Variants in HS3ST4 observed in about 807,000 individuals in gnomAD.
HS3ST4 encodes the protein heparan sulfate glucosamine 3-O-sulfotransferase 4.
Under a neutral mutation model 29.2 loss-of-function variants are expected in HS3ST4, and 17 were observed. The ratio of observed to expected loss-of-function variants is 0.58; its 90% CI spans 0.40 to 0.87. HS3ST4 has a LOEUF of 0.87. Ranked by LOEUF, HS3ST4 falls within the 40% of genes least tolerant of loss-of-function variation. HS3ST4 has a pLI of 0.00. For synonymous variants in HS3ST4, 314 were observed against 285.7 expected (o/e 1.10, Z -1.00); for missense variants, 627 against 634.5 (o/e 0.99, Z 0.13).
At chr16:25,982,668 AT>A (rs1378679027) in intron 1 of HS3ST4, among the ~76,000 whole-genome samples, 1 of 151,728 alleles carries the variant, frequency 6.6e-6, no homozygotes, top group Non-Finnish European at 1.5e-5. Flanking sequence ...TCTCTACGAA[AT>A]TTTTTTTTAA....
intron 1 of HS3ST4, among the ~76,000 whole-genome samples, chr16:25,769,869 GACA>G (rs1193713515): frequency 6.6e-6 from 1 of 152,138 alleles, no homozygotes; most frequent in Non-Finnish European, 1.5e-5. Context: ...GCAATGGGGA[GACA>G]ACAAGAAGCA....
At chr16:25,873,498 C>T (rs1434173481) in intron 1 of HS3ST4, among the ~76,000 whole-genome samples, 6 of 149,612 alleles carry the variant, frequency 4.0e-5, no homozygotes, top group African/African-American at 1.5e-4. Context: ...ATCTATCTAT[C>T]TATCTATCTA....
At chr16:25,914,630 TGTGTGTGTGTGTGTGCAC>T (rs1968274617) in intron 1 of HS3ST4, among the ~76,000 whole-genome samples, 3 of 140,712 alleles carry the variant, frequency 2.1e-5, no homozygotes, top group Admixed American at 7.1e-5. Flanking sequence ...GTGTGTGTGG[TGTGTGTGTGTGTGTGCAC>T]GTGTGTGGGT....
chr16:26,001,439 T>G (rs1404916665), intron 1 of HS3ST4, among the ~76,000 whole-genome samples: 1 of 152,192 alleles, frequency 6.6e-6, no homozygotes, highest in Non-Finnish European at 1.5e-5. Flanking sequence ...TTTTGTATTA[T>G]GTTTATTCTT....
Position 25,813,457 on chromosome 16 carries a change from C to T in HS3ST4, c.734+120306C>T, listed in dbSNP as rs142349003. ...CACTAAAAATACAAAATTAGCCAGG[C>T]GTGGTGGTGCATGCCTGTAATCTCA... On this transcript the variant is annotated intron_variant, in intron 1 of 1. Coordinates refer to ENST00000331351, the MANE Select transcript of HS3ST4 (RefSeq NM_006040.3). Among the ~76,000 whole-genome samples the T allele has an allele frequency of 2.5e-4, 38 of 152,068 alleles. No homozygotes were observed. The East Asian group carries it at 6.0e-3, about 24-fold the overall frequency.
At chr16:25,956,460 G>T (rs1968733522) in intron 1 of HS3ST4, among the ~76,000 whole-genome samples, 1 of 152,180 alleles carries the variant, frequency 6.6e-6, no homozygotes, top group Non-Finnish European at 1.5e-5. Flanking sequence ...GTCCTAGGCA[G>T]ATCAGCTAGG....
At chr16:25,740,450 A>G (rs1966644452) in intron 1 of HS3ST4, among the ~76,000 whole-genome samples, 1 of 152,156 alleles carries the variant, frequency 6.6e-6, no homozygotes, top group Non-Finnish European at 1.5e-5. Context: ...GGATGCACTG[A>G]GCCCCAAAGA....
intron 1 of HS3ST4, among the ~76,000 whole-genome samples, chr16:25,708,293 A>G (rs1042195076): frequency 3.3e-4 from 50 of 152,220 alleles, no homozygotes; most frequent in Admixed American, 1.2e-3. Context: ...TTTTGTTCTT[A>G]TATCATAAAA....
intron 1 of HS3ST4, among the ~76,000 whole-genome samples, chr16:25,703,369 A>G (rs571528246): frequency 9.8e-5 from 15 of 152,292 alleles, no homozygotes; most frequent in African/African-American, 3.6e-4. Flanking sequence ...CACGTGTGCC[A>G]GGCTTGGCTC....
chr16:26,051,350 AAC>A (rs1180848943), intron 1 of HS3ST4, among the ~76,000 whole-genome samples: 1 of 152,156 alleles, frequency 6.6e-6, no homozygotes, highest in Non-Finnish European at 1.5e-5. Context: ...ACACACAGAT[AAC>A]ACAGCCTCCT....
intron 1 of HS3ST4, among the ~76,000 whole-genome samples, chr16:26,027,155 A>G (rs909890033): frequency 6.6e-6 from 1 of 152,184 alleles, no homozygotes; most frequent in Non-Finnish European, 1.5e-5. Flanking sequence ...ACTTGTCAAA[A>G]ACAAAAGTAA....
chr16:25,850,899 A>C (rs879700253), intron 1 of HS3ST4, among the ~76,000 whole-genome samples: 3 of 152,186 alleles, frequency 2.0e-5, no homozygotes, highest in Non-Finnish European at 4.4e-5. Flanking sequence ...TGGAAACATT[A>C]TTTTCATGCA....
intron 1 of HS3ST4, among the ~76,000 whole-genome samples, chr16:26,037,994 C>G (rs1026258991): frequency 8.5e-5 from 13 of 152,152 alleles, no homozygotes; most frequent in Admixed American, 8.5e-4. Flanking sequence ...TCCAATGACT[C>G]CCCCTGTCTC....
intron 1 of HS3ST4, among the ~76,000 whole-genome samples, chr16:25,841,757 A>G (rs117808164): frequency 0.016 from 2,459 of 152,274 alleles, 22 homozygotes; most frequent in Middle Eastern, 0.024. Flanking sequence ...AATATGGCAT[A>G]ATGGGAACTA....
chr16:25,695,654 G>A (rs1966290045), intron 1 of HS3ST4, among the ~76,000 whole-genome samples: 1 of 152,174 alleles, frequency 6.6e-6, no homozygotes, highest in Non-Finnish European at 1.5e-5. Context: ...TCCAGTATCA[G>A]AAACTCTTTC....
intron 1 of HS3ST4, among the ~76,000 whole-genome samples, chr16:25,930,105 T>C (rs1339360883): frequency 6.6e-6 from 1 of 152,246 alleles, no homozygotes; most frequent in Non-Finnish European, 1.5e-5. Flanking sequence ...GGCCTCCAGC[T>C]CCATCCATGT....
chr16:25,846,938 C>T (rs1222839387), intron 1 of HS3ST4, among the ~76,000 whole-genome samples: 24 of 151,704 alleles, frequency 1.6e-4, no homozygotes. Context: ...TTAATTACTA[C>T]AGCTTCTTAT....
intron 1 of HS3ST4, among the ~76,000 whole-genome samples, chr16:25,959,700 T>TC (rs1968774531): frequency 6.6e-6 from 1 of 152,166 alleles, no homozygotes; most frequent in South Asian, 2.1e-4. Context: ...TGGATATTTG[T>TC]CCCCTCCTAA....
At chr16:25,820,047 A>AAAAAAAAAAAAAAAAG (rs1967134048) in intron 1 of HS3ST4, among the ~76,000 whole-genome samples, 1 of 124,690 alleles carries the variant, frequency 8.0e-6, no homozygotes, top group African/African-American at 3.0e-5. Flanking sequence ...AAAAAAAAAA[A>AAAAAAAAAAAAAAAAG]AAGAAAAAGA....
Sources: gnomAD v4.1 joint callset for allele counts (sites outside exome capture counted in the v4.1 genomes callset) on GRCh38, gnomAD v4.1.1 for gene constraint, MANE v1.5 for transcripts, NCBI Gene and HGNC (gene_info 2026-07-23, HGNC 2026-07-21) for gene names.